The following KCNN2 variants were observed in gnomAD, a reference collection of about 807,000 sequenced individuals.
The protein encoded by KCNN2 is small conductance calcium-activated potassium channel protein 2.
KCNN2 carries 24 observed loss-of-function variants against 55.5 expected under a neutral mutation model. The observed-to-expected ratio is 0.43, with a 90% CI of 0.31 to 0.61. The LOEUF is 0.61. Ranked by LOEUF, KCNN2 falls within the 20% of genes least tolerant of loss-of-function variation. KCNN2 has a pLI of 0.08. For synonymous variants in KCNN2, 431 were observed against 336.1 expected (o/e 1.28, Z -3.09); for missense variants, 754 against 853.6 (o/e 0.88, Z 1.45).
rs143677776 is a variant in KCNN2, at chr5:114,260,991, C to A, written c.-185+39426C>A. Among the ~76,000 whole-genome samples the A allele has an allele frequency of 1.8e-3, 281 of 152,280 alleles. 2 individuals are homozygous for A. The highest frequency in any genetic ancestry group is 6.6e-3 in the African/African-American group (273 of 41,572). On this transcript the variant is annotated intron_variant, in intron 2 of 10. Transcript: ENST00000512097. Reference sequence around the variant, plus strand: ...ATGTGGCATAAGTCTACAACCACTGCAGTTCCCTGGACCATTTATTTTTCT... The same window carrying A: ...ATGTGGCATAAGTCTACAACCACTGAAGTTCCCTGGACCATTTATTTTTCT...
chr5:114,074,405 A>C (rs1279050583), intron 1 of KCNN2, among the ~76,000 whole-genome samples: 1 of 151,988 alleles, frequency 6.6e-6, no homozygotes, highest in East Asian at 1.9e-4. Flanking sequence ...CAAGGAGACA[A>C]ATACCATGAG....
At chr5:114,443,856 C>A (rs2416372) in intron 3 of KCNN2, among the ~76,000 whole-genome samples, 148,040 of 152,290 alleles carry the variant, frequency 0.97, 72,107 homozygotes, top group South Asian at 1. Flanking sequence ...TTCTCTGCTC[C>A]TAATTTGTCA....
intron 2 of KCNN2, among the ~76,000 whole-genome samples, chr5:114,260,017 C>T (rs919151732): frequency 1.2e-4 from 18 of 152,088 alleles, no homozygotes; most frequent in Non-Finnish European, 2.2e-4. Context: ...TCATCTTTTT[C>T]CCTCCCAGCC....
upstream of KCNN2, among the ~76,000 whole-genome samples, chr5:114,358,171 G>A (rs919618889): frequency 2.0e-5 from 3 of 151,884 alleles, no homozygotes; most frequent in African/African-American, 7.3e-5. Context: ...GAGTGAACAG[G>A]CAACCTACGA....
At chr5:114,415,459 G>T (rs977343164) in intron 3 of KCNN2, among the ~76,000 whole-genome samples, 5 of 152,108 alleles carry the variant, frequency 3.3e-5, no homozygotes, top group Admixed American at 2.0e-4. Flanking sequence ...GTCATATCTG[G>T]ATATGGGTAT....
At chr5:114,121,625 A>G (rs1253424161) in intron 1 of KCNN2, among the ~76,000 whole-genome samples, 3 of 152,194 alleles carry the variant, frequency 2.0e-5, no homozygotes, top group East Asian at 1.9e-4. Context: ...TCTCCATACT[A>G]CATGTTGGGC....
rs75741615 is a variant in KCNN2, at chr5:114,454,704, G to T, written c.1638-8345G>T. ...TCTGAGTATCCAGTGTATCCCCAGA[G>T]AATGAACCTATCTCCTGTGAGTTGT... is the stretch of plus-strand genomic sequence containing the variant. On this transcript the variant is annotated intron_variant, in intron 3 of 7. Coordinates refer to ENST00000673685, the MANE Select transcript of KCNN2 (RefSeq NM_021614.4). Among the ~76,000 whole-genome samples the T allele has an allele frequency of 4.1e-4, 63 of 152,320 alleles. No homozygotes were observed. In the East Asian group the frequency reaches 0.012, roughly 28 times the overall value.
intron 1 of KCNN2, among the ~76,000 whole-genome samples, chr5:114,185,508 A>T (rs909075207): frequency 3.3e-5 from 5 of 152,166 alleles, no homozygotes; most frequent in Non-Finnish European, 5.9e-5. Flanking sequence ...GGAACGTGGG[A>T]TTCAAATGGC....
intron 3 of KCNN2, among the ~76,000 whole-genome samples, chr5:114,449,819 TG>T (rs1760574921): frequency 6.6e-6 from 1 of 151,832 alleles, no homozygotes; most frequent in Non-Finnish European, 1.5e-5. Context: ...AATGTACAGA[TG>T]CTGCCTCCTC....
At chr5:114,468,100 G>A (rs1001824578) in intron 4 of KCNN2, among the ~76,000 whole-genome samples, 11 of 152,082 alleles carry the variant, frequency 7.2e-5, no homozygotes, top group Admixed American at 2.0e-4. Flanking sequence ...ATTTGAAATT[G>A]ACCTCCACCC....
intron 1 of KCNN2, among the ~76,000 whole-genome samples, chr5:114,214,171 T>C (rs943359378): frequency 1.3e-5 from 2 of 152,072 alleles, no homozygotes; most frequent in Non-Finnish European, 2.9e-5. Context: ...CATAGCTTCA[T>C]ATGCCATTAG....
chr5:114,187,254 A>G (rs1298162002), intron 1 of KCNN2, among the ~76,000 whole-genome samples: 1 of 151,690 alleles, frequency 6.6e-6, no homozygotes, highest in East Asian at 1.9e-4. Context: ...TACTCCTGGG[A>G]TGACACAGTT....
In KCNN2 at chr5:114,473,059, T is replaced by C. The variant is rs1580891955; in HGVS notation, c.1785T>C (p.Ala595=). Residue 595 remains alanine (A), a synonymous_variant, in exon 5 of 8, where the codon GCT becomes GCC. Transcript: ENST00000673685. ...TCTTCTCTCCTTGTTTTCAGGGTGC[T>C]GGTTGCACAGCCCTGGTGGTAGCTG... ...GVCLLTGIMG[A]GCTALVVAVV... 3.1e-6 allele frequency: 5 copies of C among 1,606,146 alleles called. No homozygotes were observed. The East Asian group carries it at 6.7e-5, about 22-fold the overall frequency.
At chr5:114,489,371 C>T (rs551096748) in intron 6 of KCNN2, among the ~76,000 whole-genome samples, 8 of 152,236 alleles carry the variant, frequency 5.3e-5, no homozygotes, top group Admixed American at 2.0e-4. Flanking sequence ...CAAGGCATGT[C>T]GGCCCTTTCT....
intron 2 of KCNN2, among the ~76,000 whole-genome samples, chr5:114,403,481 C>G (rs1443732425): frequency 6.6e-6 from 1 of 152,174 alleles, no homozygotes; most frequent in Non-Finnish European, 1.5e-5. Flanking sequence ...ACGTGGGACT[C>G]TCAGCATTGA....
intron 3 of KCNN2, among the ~76,000 whole-genome samples, chr5:114,448,848 G>T (rs1370535424): frequency 6.6e-6 from 1 of 152,180 alleles, no homozygotes; most frequent in African/African-American, 2.4e-5. Context: ...TGTGATAACT[G>T]CGTACTGTAG....
At position 114,297,577 on chromosome 5, in the gene KCNN2, A is replaced by G. The variant is rs191978530; in HGVS notation, c.-184-63368A>G. ...AACTCAAGGGCTTTAAAATAGTCAT[A>G]CCACTAAACTTCATAATACTGCTTC... On this transcript the variant is annotated intron_variant, in intron 2 of 10. Transcript: ENST00000512097. Among the ~76,000 whole-genome samples, 801 of 152,230 alleles carry G rather than the reference A, an allele frequency of 5.3e-3. 8 individuals are homozygous for G. The highest frequency in any genetic ancestry group is 5.2e-3 in the Non-Finnish European group (357 of 68,012).
In KCNN2 at chr5:114,081,237, A is replaced by G. The variant is rs567543456; in HGVS notation, c.-271+24737A>G. Among the ~76,000 whole-genome samples, 32 of 152,280 alleles carry G rather than the reference A, an allele frequency of 2.1e-4. 1 individual carries two copies. The South Asian group carries it at 5.0e-3, about 24-fold the overall frequency. ...CTACCCCCCAAAATCTACAGATTCA[A>G]TGCACTCCCTATTAAAATCCCAATG... is the stretch of plus-strand genomic sequence containing the variant. On this transcript the variant is annotated intron_variant, in intron 1 of 10. Coordinates refer to the KCNN2 transcript ENST00000512097.
At chr5:114,471,206 C>A (rs1440106264) in intron 4 of KCNN2, among the ~76,000 whole-genome samples, 1 of 152,122 alleles carries the variant, frequency 6.6e-6, no homozygotes, top group Non-Finnish European at 1.5e-5. Flanking sequence ...AGTTCCAGAA[C>A]CCCACTTCCT....
Sources: gnomAD v4.1 joint callset for allele counts (sites outside exome capture counted in the v4.1 genomes callset) on GRCh38, gnomAD v4.1.1 for gene constraint, MANE v1.5 for transcripts, NCBI Gene and HGNC (gene_info 2026-07-23, HGNC 2026-07-21) for gene names.